The following PLXNA2 variants were observed in gnomAD, a reference collection of about 807,000 sequenced individuals.
PLXNA2 encodes plexin-A2.
PLXNA2 carries 91 observed loss-of-function variants against 193.5 expected under a neutral mutation model. The ratio of observed to expected loss-of-function variants is 0.47; its 90% CI spans 0.40 to 0.56. The LOEUF (loss-of-function observed/expected upper bound fraction) is 0.56. PLXNA2 is among the 20% of genes least tolerant of loss of function. The probability of loss-of-function intolerance (pLI) is 0.00; values close to 1 mark genes in which losing one functional copy is unlikely to be tolerated. For synonymous variants in PLXNA2, 997 were observed against 1,027.3 expected, an observed-to-expected ratio of 0.97 and a Z score of 0.56; for missense variants, 1,995 against 2,503.2, an observed-to-expected ratio of 0.80 and a Z score of 4.33.
chr1:208,115,054 G>T (rs1345133942), intron 4 of PLXNA2, among the ~76,000 whole-genome samples: 1 of 152,190 alleles, frequency 6.6e-6, no homozygotes, highest in Non-Finnish European at 1.5e-5. Context: ...AGGCAGGAAA[G>T]CTCCTAGGCT....
chr1:208,055,657 C>T (rs752697030), intron 13 of PLXNA2, among the ~76,000 whole-genome samples: 11 of 152,086 alleles, frequency 7.2e-5, no homozygotes, highest in South Asian at 2.1e-4. Context: ...TATCCTGGCA[C>T]GGTGGGGAAG....
chr1:208,202,799 C>A (rs1390675979), intron 3 of PLXNA2, among the ~76,000 whole-genome samples: 6 of 152,210 alleles, frequency 3.9e-5, no homozygotes, highest in African/African-American at 1.2e-4. Context: ...CTGTGTTTCA[C>A]CTGCTTGGCA....
rs1461644291 is a variant in PLXNA2 at position 208,038,109 on chromosome 1, C to A, written c.4764+262G>T. On this transcript the variant is annotated intron_variant, in intron 26 of 31. Coordinates refer to ENST00000367033, the MANE Select transcript of PLXNA2 (RefSeq NM_025179.4). The surrounding 1 kb of genome is among the most constrained non-coding windows in gnomAD (Gnocchi z 4.1). ...TTGTTTTTTTGCAAATGTAGAGGTA[C>A]ACAGAATAGAAATGCCTAGGCCTTA... Among the ~76,000 whole-genome samples, 2 of 152,148 alleles carry A rather than the reference C, an allele frequency of 1.3e-5. No individual in the cohort carries two copies. Among genetic ancestry groups the A allele is most frequent in the African/African-American group, 2.4e-5 (1 of 41,422 alleles).
At chr1:208,220,684 C>T (rs928919143) in intron 1 of PLXNA2, among the ~76,000 whole-genome samples, 9 of 152,084 alleles carry the variant, frequency 5.9e-5, no homozygotes, top group Admixed American at 5.9e-4. Context: ...CCTCGTGATC[C>T]ACCTGCCTTG....
intron 1 of PLXNA2, among the ~76,000 whole-genome samples, chr1:208,234,926 T>A (rs1416202971): frequency 6.6e-6 from 1 of 152,214 alleles, no homozygotes; most frequent in African/African-American, 2.4e-5. Flanking sequence ...GACTTGGGTT[T>A]CACATCCACT....
At chr1:208,104,640 A>T (rs1387775116) in intron 4 of PLXNA2, among the ~76,000 whole-genome samples, 2 of 152,196 alleles carry the variant, frequency 1.3e-5, no homozygotes, top group Non-Finnish European at 2.9e-5. Flanking sequence ...GGATAAGTTC[A>T]GTATAAACTT....
At position 208,211,303 on chromosome 1, in the gene PLXNA2, A is replaced by T. The variant is rs572910378; in HGVS notation, c.1189-841T>A. 3.3e-5 allele frequency among the ~76,000 whole-genome samples: 5 copies of T among 152,280 alleles called. No individual in the cohort carries two copies. The South Asian group carries it at 1.0e-3, about 32-fold the overall frequency. ...GAATTCTGGAGGTGGTGTCCTTCAT[A>T]TTTCCAGCCTTTAAGGAGAGTGGTG... On this transcript the variant is annotated intron_variant, in intron 2 of 31. Coordinates refer to ENST00000367033, the MANE Select transcript of PLXNA2 (RefSeq NM_025179.4).
intron 3 of PLXNA2, among the ~76,000 whole-genome samples, chr1:208,146,585 T>A (rs1668607545): frequency 6.6e-6 from 1 of 152,138 alleles, no homozygotes; most frequent in Non-Finnish European, 1.5e-5. Flanking sequence ...ATTTTGGGTT[T>A]CAAAGCTGTC....
Position 208,074,278 on chromosome 1 carries a change from C to T in PLXNA2, c.2586+4982G>A, listed in dbSNP as rs547122293. 8.5e-5 allele frequency among the ~76,000 whole-genome samples: 13 copies of T among 152,254 alleles called. No individual in the cohort carries two copies. In the South Asian group the frequency reaches 1.9e-3, roughly 22 times the overall value. On this transcript the variant is annotated intron_variant, in intron 12 of 31. Coordinates refer to ENST00000367033, the MANE Select transcript of PLXNA2 (RefSeq NM_025179.4). ...GGTCCTGAAGCATAGGCTGGGGGAA[C>T]GGAAACGTGGCGGGCCAGCCATCTC... is the stretch of plus-strand genomic sequence containing the variant.
chr1:208,023,382 CT>C lies in PLXNA2; in HGVS notation c.*3860del, dbSNP rs1664244339. On this transcript the variant is annotated 3_prime_UTR_variant, in exon 32 of 32. Coordinates refer to ENST00000367033, the MANE Select transcript of PLXNA2 (RefSeq NM_025179.4). ...CACCTGGAGATTTATCAGCCAGAAG[CT>C]TTCAAATGCTCCCTATTTGTTCTGC... 6.5e-6 allele frequency: 1 copy of C among 152,750 alleles called. No homozygotes were observed. Among genetic ancestry groups the C allele is most frequent in the Non-Finnish European group, 1.5e-5 (1 of 68,124 alleles). 9.5% of individuals were successfully genotyped at this position (152,750 alleles called of 1,614,324 possible). A position where few individuals can be genotyped will look rare whatever the true frequency, so the allele number is the denominator to read the frequency against.
chr1:208,182,093 G>A (rs1489150972), intron 3 of PLXNA2, among the ~76,000 whole-genome samples: 1 of 152,048 alleles, frequency 6.6e-6, no homozygotes, highest in African/African-American at 2.4e-5. Flanking sequence ...AAGACAAAAG[G>A]AATCAAACCA....
At chr1:208,030,162 G>A in intron 29 of PLXNA2, 1 of 985,550 alleles carries the variant, frequency 1.0e-6, no homozygotes, top group Non-Finnish European at 1.2e-6. Context: ...TAGCCTGGGA[G>A]AAGCTGCTGC....
chr1:208,154,004 C>T (rs1668854916), intron 3 of PLXNA2, among the ~76,000 whole-genome samples: 1 of 124,194 alleles, frequency 8.1e-6, no homozygotes, highest in South Asian at 2.6e-4. Flanking sequence ...CTTCTGGGGC[C>T]AGATCATTCT....
chr1:208,114,339 G>A (rs1558199437), intron 4 of PLXNA2, among the ~76,000 whole-genome samples: 3 of 152,174 alleles, frequency 2.0e-5, no homozygotes, highest in Admixed American at 1.3e-4. Flanking sequence ...CCACGTTGAT[G>A]TTCCCAGGTC....
chr1:208,027,146 TCTGGGGCCTGATCC>T lies in PLXNA2; in HGVS notation c.*83_*96del, dbSNP rs1664365187. ...GATGGGGTCTCAGGGGACAGCAAGCTCTGGGGCCTGATCCCCATCACTTGTCCTTCCATCTGAGA... is the reference window on the plus strand; with the variant it reads ...GATGGGGTCTCAGGGGACAGCAAGCTCCATCACTTGTCCTTCCATCTGAGA... On this transcript the variant is annotated 3_prime_UTR_variant, in exon 32 of 32. Coordinates refer to ENST00000367033, the MANE Select transcript of PLXNA2 (RefSeq NM_025179.4). 1.8e-6 allele frequency: 2 copies of T among 1,123,304 alleles called. No individual in the cohort carries two copies. Among genetic ancestry groups the T allele is most frequent in the African/African-American group, 1.5e-5 (1 of 65,812 alleles). The allele number at this position is 1,123,304 out of a possible 1,614,324, so 69.6% of individuals were successfully genotyped here.
intron 4 of PLXNA2, among the ~76,000 whole-genome samples, chr1:208,111,201 C>T (rs1233894136): frequency 6.6e-6 from 1 of 152,044 alleles, no homozygotes; most frequent in East Asian, 1.9e-4. Context: ...CAGGTGTGTG[C>T]CACCACACCT....
chr1:208,162,591 G>A (rs1158223133), intron 3 of PLXNA2, among the ~76,000 whole-genome samples: 3 of 152,160 alleles, frequency 2.0e-5, no homozygotes, highest in African/African-American at 7.2e-5. Flanking sequence ...CATGCTTCTT[G>A]ATCTCCAGGA....
intron 12 of PLXNA2, among the ~76,000 whole-genome samples, chr1:208,068,612 G>A (rs1050220701): frequency 6.6e-6 from 1 of 152,206 alleles, no homozygotes; most frequent in African/African-American, 2.4e-5. Context: ...CCGCACTCGG[G>A]TCGTGCCTTC....
At chr1:208,243,339 G>A (rs1455972443) in intron 1 of PLXNA2, among the ~76,000 whole-genome samples, 1 of 152,094 alleles carries the variant, frequency 6.6e-6, no homozygotes, top group Non-Finnish European at 1.5e-5. Context: ...GCGCGGTGGA[G>A]GCGCGCCGCG....
Sources: gnomAD v4.1 joint callset for allele counts (sites outside exome capture counted in the v4.1 genomes callset) on GRCh38, gnomAD v4.1.1 for gene constraint, Gnocchi (gnomAD v3.1) non-coding constraint, MANE v1.5 for transcripts, NCBI Gene and HGNC (gene_info 2026-07-23, HGNC 2026-07-21) for gene names.